The following EPHB2 variants were observed in gnomAD, a reference collection of about 807,000 sequenced individuals.
EPHB2 encodes the protein ephrin type-B receptor 2.
Under a neutral mutation model 96.4 loss-of-function variants are expected in EPHB2, and 18 were observed. The ratio of observed to expected loss-of-function variants is 0.19; its 90% CI spans 0.13 to 0.28. EPHB2 has a LOEUF of 0.28. Ranked by LOEUF, EPHB2 falls within the 10% of genes least tolerant of loss-of-function variation. EPHB2 has a pLI of 1.00. For synonymous variants in EPHB2, 506 were observed against 534.1 expected (o/e 0.95, Z 0.72); for missense variants, 989 against 1,355.4 (o/e 0.73, Z 4.25).
chr1:22,727,351 G>A (rs184658412), intron 1 of EPHB2, among the ~76,000 whole-genome samples: 1 of 152,372 alleles, frequency 6.6e-6, no homozygotes. Flanking sequence ...GAGTGAACGA[G>A]TTAGGGCAGA....
intron 1 of EPHB2, among the ~76,000 whole-genome samples, chr1:22,718,932 G>C (rs1643365015): frequency 6.6e-6 from 1 of 152,144 alleles, no homozygotes; most frequent in South Asian, 2.1e-4. Context: ...TCCCTGCTCA[G>C]AGGAAAGGCT....
intron 3 of EPHB2, among the ~76,000 whole-genome samples, chr1:22,816,597 G>A (rs764358240): frequency 6.6e-6 from 1 of 152,016 alleles, no homozygotes; most frequent in Non-Finnish European, 1.5e-5. Context: ...GACCCCTTGC[G>A]GTTCCCTCTC....
intron 6 of EPHB2, among the ~76,000 whole-genome samples, chr1:22,886,052 G>A (rs1225326994): frequency 6.6e-6 from 1 of 152,172 alleles, no homozygotes; most frequent in African/African-American, 2.4e-5. Flanking sequence ...CAGACACTGA[G>A]AGCCATGAGA....
intron 1 of EPHB2, among the ~76,000 whole-genome samples, chr1:22,719,955 C>G (rs1309392118): frequency 6.6e-6 from 1 of 152,142 alleles, no homozygotes; most frequent in African/African-American, 2.4e-5. Context: ...TATTCTGTTC[C>G]CCGGGTTGTC....
chr1:22,727,832 G>A (rs1205967796), intron 1 of EPHB2, among the ~76,000 whole-genome samples: 1 of 149,720 alleles, frequency 6.7e-6, no homozygotes, highest in Non-Finnish European at 1.5e-5. Context: ...AATGGAGATG[G>A]GGTCTCCTCT....
intron 5 of EPHB2, among the ~76,000 whole-genome samples, chr1:22,876,193 C>T (rs1247059646): frequency 6.6e-6 from 1 of 152,070 alleles, no homozygotes; most frequent in African/African-American, 2.4e-5. Flanking sequence ...TGCCCAGCGA[C>T]CTCTCCCCCA....
intron 3 of EPHB2, among the ~76,000 whole-genome samples, chr1:22,831,846 CAG>C (rs1645308518): frequency 6.6e-6 from 1 of 152,242 alleles, no homozygotes; most frequent in South Asian, 2.1e-4. Context: ...GGGCTGGAAA[CAG>C]AGGGCTGACC....
At chr1:22,717,895 T>C (rs1486228916) in intron 1 of EPHB2, among the ~76,000 whole-genome samples, 1 of 152,206 alleles carries the variant, frequency 6.6e-6, no homozygotes, top group Non-Finnish European at 1.5e-5. Context: ...TTTTCACCTC[T>C]CTGAGCCTTG....
chr1:22,747,618 G>A (rs917723929), intron 1 of EPHB2, among the ~76,000 whole-genome samples: 1 of 152,256 alleles, frequency 6.6e-6, no homozygotes, highest in African/African-American at 2.4e-5. Flanking sequence ...TCTGTGAGCT[G>A]GCATTGCCAG....
chr1:22,852,010 C>T (rs928852323), intron 3 of EPHB2, among the ~76,000 whole-genome samples: 12 of 152,200 alleles, frequency 7.9e-5, no homozygotes, highest in African/African-American at 2.9e-4. Context: ...TCAGAGCTGG[C>T]CTCAAATTCC....
At chr1:22,721,720 A>G (rs966422820) in intron 1 of EPHB2, among the ~76,000 whole-genome samples, 12 of 151,752 alleles carry the variant, frequency 7.9e-5, no homozygotes, top group Non-Finnish European at 1.6e-4. Flanking sequence ...GGCTCAAGCA[A>G]TTCTCTCACC....
At chr1:22,713,118 G>C (rs1294645875) in intron 1 of EPHB2, among the ~76,000 whole-genome samples, 1 of 152,136 alleles carries the variant, frequency 6.6e-6, no homozygotes, top group Non-Finnish European at 1.5e-5. Context: ...ACTGCCACTT[G>C]GGGGCAGGGT....
intron 9 of EPHB2, among the ~76,000 whole-genome samples, chr1:22,899,231 G>A (rs1172489209): frequency 6.9e-6 from 1 of 144,078 alleles, no homozygotes; most frequent in African/African-American, 2.6e-5. Flanking sequence ...GCCAGGCGCA[G>A]TGGCTCACCC....
intron 3 of EPHB2, among the ~76,000 whole-genome samples, chr1:22,824,240 G>A (rs1645192296): frequency 6.6e-6 from 1 of 151,338 alleles, no homozygotes; most frequent in South Asian, 2.1e-4. Flanking sequence ...ATGGAAGGAA[G>A]GAAGGTCTAA....
At chr1:22,734,794 G>A (rs892241196) in intron 1 of EPHB2, among the ~76,000 whole-genome samples, 6 of 152,140 alleles carry the variant, frequency 3.9e-5, no homozygotes, top group Non-Finnish European at 4.4e-5. Context: ...AGCTGCCACA[G>A]GCTATGAACT....
chr1:22,893,745 C>T (rs1365637521), intron 7 of EPHB2, among the ~76,000 whole-genome samples: 1 of 152,220 alleles, frequency 6.6e-6, no homozygotes, highest in Admixed American at 6.5e-5. Flanking sequence ...ACAATGATCT[C>T]ATTATCACTA....
intron 6 of EPHB2, among the ~76,000 whole-genome samples, chr1:22,889,356 T>G (rs1639322440): frequency 6.6e-6 from 1 of 152,188 alleles, no homozygotes; most frequent in Admixed American, 6.5e-5. Context: ...CCACCCAGTT[T>G]ACAGAATCTA....
intron 6 of EPHB2, 154 bp downstream of exon 6, chr1:22,882,637 C>G (rs1639087982): frequency 1.7e-6 from 2 of 1,185,152 alleles, no homozygotes; most frequent in Non-Finnish European, 1.2e-6. Context: ...GGCTCCCAAT[C>G]CAGCTCCGCT....
At chr1:22,755,170 A>C (rs2148386069) in intron 1 of EPHB2, among the ~76,000 whole-genome samples, 1 of 152,180 alleles carries the variant, frequency 6.6e-6, no homozygotes, top group African/African-American at 2.4e-5. Flanking sequence ...TTCTCAGTTT[A>C]TGCCGTCCTA....
Sources: allele counts gnomAD v4.1 joint callset (sites outside exome capture counted in the v4.1 genomes callset), GRCh38; gene constraint gnomAD v4.1.1; transcripts MANE v1.5; gene names NCBI Gene and HGNC (gene_info 2026-07-23, HGNC 2026-07-21).